DPP6: variants seen among roughly 807,000 people sequenced by gnomAD.
DPP6 encodes the protein A-type potassium channel modulatory protein DPP6.
A neutral mutation model predicts 122.6 loss-of-function variants in DPP6; 69 were observed. The observed-to-expected ratio is 0.56, with a 90% CI of 0.46 to 0.69. The LOEUF (loss-of-function observed/expected upper bound fraction) is 0.69. Among genes scored for constraint, DPP6 ranks in the 30% least tolerant of loss-of-function variants. The probability of loss-of-function intolerance (pLI) is 0.00; values close to 1 mark genes in which losing one functional copy is unlikely to be tolerated. For missense variants in DPP6, 928 were observed against 1,116.9 expected, an observed-to-expected ratio of 0.83 and a Z score of 2.41; for synonymous variants, 418 against 433.1, an observed-to-expected ratio of 0.97 and a Z score of 0.43.
At chr7:154,200,902 A>G (rs936420980) in intron 1 of DPP6, among the ~76,000 whole-genome samples, 1 of 152,174 alleles carries the variant, frequency 6.6e-6, no homozygotes, top group African/African-American at 2.4e-5. Flanking sequence ...GGTCCTCAAT[A>G]TAAGATTAGT....
the DPP6 span, among the ~76,000 whole-genome samples, chr7:153,820,866 T>TA: frequency 6.7e-6 from 1 of 148,368 alleles, no homozygotes; most frequent in Non-Finnish European, 1.5e-5. Flanking sequence ...CTCTTTGTCT[T>TA]ACAGCTGAGA....
chr7:154,879,949 T>C (rs1265981892), intron 20 of DPP6, among the ~76,000 whole-genome samples: 1 of 152,214 alleles, frequency 6.6e-6, no homozygotes, highest in Admixed American at 6.5e-5. Flanking sequence ...GTTTTCCTCT[T>C]GTTCATCTGA....
the DPP6 span, among the ~76,000 whole-genome samples, chr7:153,837,942 G>T: frequency 2.0e-5 from 3 of 148,924 alleles, no homozygotes; most frequent in Admixed American, 1.4e-4. Context: ...CCAAAGTGCC[G>T]GGATTACAGG....
At chr7:154,356,953 C>A (rs1811318081) in intron 1 of DPP6, among the ~76,000 whole-genome samples, 1 of 152,098 alleles carries the variant, frequency 6.6e-6, no homozygotes, top group African/African-American at 2.4e-5. Context: ...GAGGCTTTAC[C>A]ATCTAGACAA....
intron 16 of DPP6, among the ~76,000 whole-genome samples, chr7:154,834,563 T>G (rs934788111): frequency 3.3e-5 from 5 of 152,178 alleles, no homozygotes; most frequent in Non-Finnish European, 7.3e-5. Context: ...GCAAAGAGCA[T>G]CTATGTCACT....
chr7:154,431,534 CT>C (rs67861044), intron 1 of DPP6, among the ~76,000 whole-genome samples: 22,714 of 98,612 alleles, frequency 0.23, 5,002 homozygotes, highest in African/African-American at 0.54. Flanking sequence ...TTCTTTCTTT[CT>C]TTTTTTTTTT....
At chr7:154,146,720 G>T (rs9690764) in intron 1 of DPP6, among the ~76,000 whole-genome samples, 1 of 152,232 alleles carries the variant, frequency 6.6e-6, no homozygotes, top group African/African-American at 2.4e-5. Context: ...GGGACAGAAG[G>T]CACTTGTGTC....
intron 1 of DPP6, among the ~76,000 whole-genome samples, chr7:154,093,422 C>T: frequency 7.0e-6 from 1 of 143,096 alleles, no homozygotes; most frequent in Non-Finnish European, 1.5e-5. Context: ...ACACACCACA[C>T]ACACCCCATA....
the DPP6 span, among the ~76,000 whole-genome samples, chr7:153,829,237 A>G: frequency 6.6e-6 from 1 of 152,106 alleles, no homozygotes; most frequent in Admixed American, 6.6e-5. Context: ...ATTTTGAGAC[A>G]GAGACTCGTT....
At chr7:154,682,922 GT>G (rs5888587) in intron 7 of DPP6, among the ~76,000 whole-genome samples, 130,859 of 151,892 alleles carry the variant, frequency 0.86, 57,173 homozygotes, top group East Asian at 0.99. Context: ...GACCACTTTG[GT>G]TTTTTTTTAG....
chr7:154,853,698 A>G (rs1802587143), intron 16 of DPP6, 82 bp from the exon 17 acceptor site: 9 of 1,551,826 alleles, frequency 5.8e-6, no homozygotes, highest in Non-Finnish European at 7.0e-6. Context: ...TACGTGGCAT[A>G]AGAAAAGCCT....
intron 1 of DPP6, among the ~76,000 whole-genome samples, chr7:154,099,213 A>G (rs1320799027): frequency 2.0e-5 from 3 of 152,236 alleles, no homozygotes; most frequent in Non-Finnish European, 4.4e-5. Flanking sequence ...AATAATGTCC[A>G]TTCATATTAA....
intron 16 of DPP6, chr7:154,838,535 G>A (rs937256575): frequency 1.6e-4 from 25 of 152,266 alleles, no homozygotes; most frequent in African/African-American, 5.8e-4. Context: ...GAACGTGTAC[G>A]TGGCTTATGT....
intron 5 of DPP6, among the ~76,000 whole-genome samples, chr7:154,623,236 G>A (rs73727321): frequency 0.062 from 9,446 of 152,260 alleles, 492 homozygotes; most frequent in African/African-American, 0.14. Flanking sequence ...GAGGGTGTAT[G>A]CTGTTGCCGG....
At chr7:154,810,939 A>G (rs1208226196) in intron 16 of DPP6, among the ~76,000 whole-genome samples, 2 of 152,232 alleles carry the variant, frequency 1.3e-5, no homozygotes, top group African/African-American at 2.4e-5. Flanking sequence ...CATCTAATCC[A>G]GTCTCCACCC....
At chr7:154,189,481 A>G (rs1798508962) in intron 1 of DPP6, among the ~76,000 whole-genome samples, 1 of 152,194 alleles carries the variant, frequency 6.6e-6, no homozygotes, top group Non-Finnish European at 1.5e-5. Context: ...AAGGTGGCTG[A>G]TAACTGTCAT....
In DPP6 at chr7:154,889,552, G is replaced by A. The variant is rs1255373093; in HGVS notation, c.2451+22G>A. 7 of 1,592,504 alleles carry A rather than the reference G, an allele frequency of 4.4e-6. No individual in the cohort carries two copies. In the African/African-American group the frequency reaches 8.2e-5, roughly 19 times the overall value. On this transcript the variant is annotated intron_variant, in intron 25 of 25. Transcript: ENST00000377770. ...ACAGGTACAGTACGCATGTTACTCT[G>A]TTTTGAACCTGGAGCAAGACATTCC...
intron 7 of DPP6, among the ~76,000 whole-genome samples, chr7:154,707,016 C>A (rs1172501106): frequency 6.6e-6 from 1 of 152,190 alleles, no homozygotes. Flanking sequence ...ATTTCTCTTT[C>A]TTGGCACTAC....
intron 1 of DPP6, among the ~76,000 whole-genome samples, chr7:153,965,150 G>A (rs191916785): frequency 7.6e-4 from 116 of 151,822 alleles, no homozygotes; most frequent in Middle Eastern, 3.4e-3. Flanking sequence ...TTTCCTTGGT[G>A]TGTAACCGTG....
Sources: gnomAD v4.1 joint callset for allele counts (sites outside exome capture counted in the v4.1 genomes callset) on GRCh38, gnomAD v4.1.1 for gene constraint, MANE v1.5 for transcripts, NCBI Gene and HGNC (gene_info 2026-07-23, HGNC 2026-07-21) for gene names.